Variants in PLCG1 observed in about 807,000 individuals in gnomAD.
PLCG1 encodes 1-phosphatidylinositol 4,5-bisphosphate phosphodiesterase gamma-1.
A neutral mutation model predicts 177.8 loss-of-function variants in PLCG1; 71 were observed. That is an observed-to-expected ratio of 0.40 (90% CI 0.33 to 0.49). The LOEUF (loss-of-function observed/expected upper bound fraction) is 0.49, where lower values mean the gene tolerates loss of function less well. PLCG1 is among the 20% of genes least tolerant of loss of function. The pLI, the probability that PLCG1 is intolerant of heterozygous loss-of-function variation, is 0.72. For missense variants in PLCG1, 1,281 were observed against 1,709.0 expected, an observed-to-expected ratio of 0.75 and a Z score of 4.42; for synonymous variants, 658 against 647.9, an observed-to-expected ratio of 1.02 and a Z score of -0.24.
At position 41,165,380 on chromosome 20, in the gene PLCG1, C is replaced by T; in HGVS notation, c.1509+13C>T. On this transcript the variant is annotated intron_variant, in intron 14 of 31. Coordinates refer to ENST00000685551, the MANE Select transcript of PLCG1 (RefSeq NM_002660.3). This position sits in a 1 kb window ranked among gnomAD's most constrained non-coding sequence, Gnocchi z 6.6. ...CCCTGTGAACCACGTGAGGACTGGG[C>T]CAGGCTGGGGGTGGTAGGCCAGTGG... 1 of 1,614,088 alleles carries T rather than the reference C, an allele frequency of 6.2e-7. No homozygotes were observed. Among genetic ancestry groups the T allele is most frequent in the Non-Finnish European group, 8.5e-7 (1 of 1,179,974 alleles).
At chr20:41,143,208 A>G (rs1185448998) in intron 1 of PLCG1, among the ~76,000 whole-genome samples, 1 of 152,198 alleles carries the variant, frequency 6.6e-6, no homozygotes, top group Non-Finnish European at 1.5e-5. Context: ...CTAATGCCAC[A>G]GCCTCGATGT....
chr20:41,173,786 A>G lies in PLCG1; in HGVS notation c.3529A>G (p.Thr1177Ala). 1.9e-6 allele frequency: 3 copies of G among 1,614,040 alleles called. No homozygotes were observed. The highest frequency in any genetic ancestry group is 1.1e-5 in the South Asian group (1 of 91,060). ...FSDQNFLAQATFPVKGLKTGY... is the reference protein window; with the variant it reads ...FSDQNFLAQAAFPVKGLKTGY... ...TGACCAGAATTTCCTGGCTCAGGCT[A>G]CTTTCCCAGTAAAAGGCCTGAAGAC... Residue 1177 changes from threonine (T) to alanine (A), a missense_variant, in exon 29 of 32, where the codon ACT becomes GCT. Physicochemically the swap from Thr to Ala is moderately conservative, Grantham distance 58. Transcript: ENST00000685551. This position sits in a 1 kb window ranked among gnomAD's most constrained non-coding sequence, Gnocchi z 6.2.
Position 41,167,938 on chromosome 20 carries a change from C to G in PLCG1, c.2379+9C>G. The G allele has an allele frequency of 6.2e-7, 1 of 1,604,030 alleles. No homozygotes were observed. Among genetic ancestry groups the G allele is most frequent in the Non-Finnish European group, 8.5e-7 (1 of 1,171,200 alleles). On this transcript the variant is annotated intron_variant, in intron 20 of 31. Transcript: ENST00000685551. The surrounding 1 kb of genome is among the most constrained non-coding windows in gnomAD (Gnocchi z 4.4). ...CTATGCCAACTTTCAAGGTACAGCT[C>G]AGGCCTCTGGGCATAGGAAGCTGGG...
Position 41,137,973 on chromosome 20 carries a change from TC to T in PLCG1, c.217+118del. The T allele has an allele frequency of 1.5e-6, 1 of 651,332 alleles. No individual in the cohort carries two copies. The highest frequency in any genetic ancestry group is 2.2e-6 in the Non-Finnish European group (1 of 454,240). The allele number at this position is 651,332 out of a possible 1,614,324, so 40.3% of individuals were successfully genotyped here. A position where few individuals can be genotyped will look rare whatever the true frequency, so the allele number is the denominator to read the frequency against. Reference sequence around the variant, plus strand: ...GCGACTTGGGCAAACTTTCGGGCCCTCCCAGACTCCCTCCGGGCCCCGCCCC... The same window carrying T: ...GCGACTTGGGCAAACTTTCGGGCCCTCCAGACTCCCTCCGGGCCCCGCCCC... On this transcript the variant is annotated intron_variant, in intron 1 of 31. Coordinates refer to ENST00000685551, the MANE Select transcript of PLCG1 (RefSeq NM_002660.3). This position sits in a 1 kb window ranked among gnomAD's most constrained non-coding sequence, Gnocchi z 7.3.
Position 41,147,564 on chromosome 20 carries a change from A to G in PLCG1, c.217+9706A>G, listed in dbSNP as rs1392670797. On this transcript the variant is annotated intron_variant, in intron 1 of 31. Transcript: ENST00000685551. The surrounding 1 kb of genome is among the most constrained non-coding windows in gnomAD (Gnocchi z 4.0). ...AGGGGAGGTGAGTTCAAAGAATTTA[A>G]GCTGGGCTGGGCACGGTGGCTCACG... Among the ~76,000 whole-genome samples the G allele has an allele frequency of 6.6e-6, 1 of 152,234 alleles. No homozygotes were observed. Among genetic ancestry groups the G allele is most frequent in the East Asian group, 1.9e-4 (1 of 5,196 alleles).
intron 20 of PLCG1, among the ~76,000 whole-genome samples, chr20:41,168,298 T>C (rs1212220623): frequency 6.6e-6 from 1 of 152,186 alleles, no homozygotes; most frequent in Non-Finnish European, 1.5e-5. Context: ...TAAAAAGGCC[T>C]GGGCCCTATT....
At position 41,174,228 on chromosome 20, in the gene PLCG1, T is replaced by C. The variant is rs1247649756; in HGVS notation, c.3750T>C (p.Phe1250=). The part of the protein sequence containing the change: ...LFHGRAREGS[F]ESRYQQPFED... Reference sequence around the variant, plus strand: ...ATGGCCGAGCCCGGGAAGGCTCCTTTGAATCCCGCTACCAGCAGCCGTTTG... The same window carrying C: ...ATGGCCGAGCCCGGGAAGGCTCCTTCGAATCCCGCTACCAGCAGCCGTTTG... The change falls in exon 31 of 32, where the codon TTT becomes TTC. Residue 1250 remains phenylalanine, a synonymous_variant. Coordinates refer to ENST00000685551, the MANE Select transcript of PLCG1 (RefSeq NM_002660.3). The surrounding 1 kb of genome is among the most constrained non-coding windows in gnomAD (Gnocchi z 5.8). 7.4e-6 allele frequency: 12 copies of C among 1,614,060 alleles called. No individual in the cohort carries two copies. Among genetic ancestry groups the C allele is most frequent in the Non-Finnish European group, 1.0e-5 (12 of 1,180,042 alleles).
At chr20:41,162,913 T>G (rs1289102373) in intron 6 of PLCG1, 45 bp from the exon 7 acceptor site, 1 of 1,590,994 alleles carries the variant, frequency 6.3e-7, no homozygotes, top group Non-Finnish European at 8.6e-7. Context: ...ATTTCCCACA[T>G]GGCCTCCCAG....
At chr20:41,162,314 C>A in intron 4 of PLCG1, 138 bp from the exon 5 acceptor site, 1 of 400,566 alleles carries the variant, frequency 2.5e-6, no homozygotes, top group Non-Finnish European at 4.7e-6. Context: ...CCCATGGGTT[C>A]TGATCCAGTC....
chr20:41,169,603 G>A (rs1568754881), intron 23 of PLCG1, 77 bp downstream of exon 23: 34 of 1,180,252 alleles, frequency 2.9e-5, no homozygotes, highest in Non-Finnish European at 4.0e-5. Flanking sequence ...CTGCTCCTAG[G>A]GAGGAAGCTG....
rs762813936 is a variant in PLCG1 at position 41,173,726 on chromosome 20, C to T, written c.3469C>T (p.Leu1157=). 4 of 1,614,042 alleles carry T rather than the reference C, an allele frequency of 2.5e-6. No individual in the cohort carries two copies. The highest frequency in any genetic ancestry group is 2.5e-6 in the Non-Finnish European group (3 of 1,180,018). Residue 1157 remains leucine, a synonymous_variant, in exon 29 of 32, where the codon CTG becomes TTG. Coordinates refer to ENST00000685551, the MANE Select transcript of PLCG1 (RefSeq NM_002660.3). The surrounding 1 kb of genome is among the most constrained non-coding windows in gnomAD (Gnocchi z 6.2). ...FQISNPEFAF[L]RFVVYEEDMF... ...GATCAGTAACCCTGAATTTGCCTTT[C>T]TGCGCTTCGTGGTGTATGAGGAAGA...
chr20:41,156,302 C>T lies in PLCG1; in HGVS notation c.218-3304C>T, dbSNP rs2035319305. On this transcript the variant is annotated intron_variant, in intron 1 of 31. Coordinates refer to ENST00000685551, the MANE Select transcript of PLCG1 (RefSeq NM_002660.3). This position sits in a 1 kb window ranked among gnomAD's most constrained non-coding sequence, Gnocchi z 5.0. Reference sequence around the variant, plus strand: ...TAATGCCCAGGCCATTCCTGAAGCCCAGGCAGCATTCACTGTGGGCTTGGG... The same window carrying T: ...TAATGCCCAGGCCATTCCTGAAGCCTAGGCAGCATTCACTGTGGGCTTGGG... Among the ~76,000 whole-genome samples, 1 of 152,132 alleles carries T rather than the reference C, an allele frequency of 6.6e-6. No homozygotes were observed. The highest frequency in any genetic ancestry group is 2.1e-4 in the South Asian group (1 of 4,816).
intron 1 of PLCG1, among the ~76,000 whole-genome samples, chr20:41,143,008 A>C (rs2034879180): frequency 6.6e-6 from 1 of 152,212 alleles, no homozygotes; most frequent in African/African-American, 2.4e-5. Flanking sequence ...CCTCTCTTGC[A>C]GCTCTCAGCA....
At chr20:41,138,815 A>G (rs770834935) in intron 1 of PLCG1, among the ~76,000 whole-genome samples, 106 of 151,958 alleles carry the variant, frequency 7.0e-4, no homozygotes, top group Non-Finnish European at 4.6e-4. Flanking sequence ...GGGGATTTTG[A>G]AAAACCCCAG....
chr20:41,147,104 T>G lies in PLCG1; in HGVS notation c.217+9246T>G, dbSNP rs1393005128. Among the ~76,000 whole-genome samples, 5 of 152,204 alleles carry G rather than the reference T, an allele frequency of 3.3e-5. No homozygotes were observed. The highest frequency in any genetic ancestry group is 9.6e-5 in the African/African-American group (4 of 41,454). On this transcript the variant is annotated intron_variant, in intron 1 of 31. Transcript: ENST00000685551. This position sits in a 1 kb window ranked among gnomAD's most constrained non-coding sequence, Gnocchi z 4.0. ...TCTGCCTGATAGTCCACCACCTGTT[T>G]GGAGGCAGCTCCCCTCTTCCTGCCC...
intron 24 of PLCG1, 48 bp downstream of exon 24, chr20:41,170,317 G>A (rs747949732): frequency 1.2e-6 from 2 of 1,604,932 alleles, no homozygotes; most frequent in Admixed American, 3.3e-5. Context: ...GGGCCCGTCA[G>A]GCAGCTGAGG....
At chr20:41,145,598 C>CA (rs2034973063) in intron 1 of PLCG1, among the ~76,000 whole-genome samples, 1 of 152,198 alleles carries the variant, frequency 6.6e-6, no homozygotes, top group African/African-American at 2.4e-5. Flanking sequence ...TTCTGCCACT[C>CA]ATCACACTTG....
rs143441069 is a variant in PLCG1, at chr20:41,173,481, T to C, written c.3341T>C (p.Ile1114Thr). The change falls in exon 28 of 32, where the codon ATT becomes ACT. Residue 1114 changes from isoleucine to threonine, a missense_variant. Around this residue, in one of 4 missense-constraint regions of PLCG1, gnomAD observed 723 missense variants for 1,030.0 expected, o/e 0.70. Coordinates refer to ENST00000685551, the MANE Select transcript of PLCG1 (RefSeq NM_002660.3). This position sits in a 1 kb window ranked among gnomAD's most constrained non-coding sequence, Gnocchi z 6.2. Reference protein sequence around the residue: ...GRGIVCPFVEIEVAGAEYDST... With the variant: ...GRGIVCPFVETEVAGAEYDST... ...GGCATTGTGTGTCCTTTTGTGGAGA[T>C]TGAGGTGGCTGGAGCTGAGTATGAC... 596 of 1,613,564 alleles carry C rather than the reference T, an allele frequency of 3.7e-4. 8 individuals carry two copies. The South Asian group carries it at 4.6e-3, about 12-fold the overall frequency.
In PLCG1 at chr20:41,164,914, C is replaced by A; in HGVS notation, c.1218-19C>A. 1.2e-6 allele frequency: 2 copies of A among 1,608,858 alleles called. No individual in the cohort carries two copies. Among genetic ancestry groups the A allele is most frequent in the Non-Finnish European group, 1.7e-6 (2 of 1,176,522 alleles). ...GAATTGCAGAATCTGTTTCACTGTG[C>A]TTGTCCCCCATCCCGCAGGTACCCA... On this transcript the variant is annotated intron_variant, in intron 12 of 31. Coordinates refer to ENST00000685551, the MANE Select transcript of PLCG1 (RefSeq NM_002660.3). The surrounding 1 kb of genome is among the most constrained non-coding windows in gnomAD (Gnocchi z 6.4).
Sources: gnomAD v4.1 joint callset for allele counts (sites outside exome capture counted in the v4.1 genomes callset) on GRCh38, gnomAD v4.1.1 for gene constraint, gnomAD v4.1.1 regional missense constraint, Gnocchi (gnomAD v3.1) non-coding constraint, MANE v1.5 for transcripts, NCBI Gene and HGNC (gene_info 2026-07-23, HGNC 2026-07-21) for gene names.